Variants in MEMO1 observed in about 807,000 individuals in gnomAD.
MEMO1 encodes the protein mediator of cell motility 1, also known as protein MEMO1.
A neutral mutation model predicts 45.2 loss-of-function variants in MEMO1; 6 were observed. The observed-to-expected ratio is 0.13, with a 90% CI of 0.07 to 0.26. The LOEUF is 0.26. MEMO1 is among the 10% of genes least tolerant of loss of function. MEMO1 has a pLI of 1.00. For synonymous variants in MEMO1, 78 were observed against 124.3 expected (o/e 0.63, Z 2.48); for missense variants, 184 against 370.5 (o/e 0.50, Z 4.13).
intron 2 of MEMO1, among the ~76,000 whole-genome samples, chr2:31,985,344 C>T (rs1161554810): frequency 6.6e-6 from 1 of 152,148 alleles, no homozygotes; most frequent in Non-Finnish European, 1.5e-5. Context: ...ATTTATTTAT[C>T]GAGATGGAGT....
At chr2:31,896,520 G>A (rs1247246031) in intron 6 of MEMO1, among the ~76,000 whole-genome samples, 1 of 152,156 alleles carries the variant, frequency 6.6e-6, no homozygotes, top group South Asian at 2.1e-4. Context: ...ACAAAAGTAG[G>A]CTGTGGGCCA....
chr2:31,929,554 T>C (rs187514700), intron 4 of MEMO1, among the ~76,000 whole-genome samples: 60 of 152,264 alleles, frequency 3.9e-4, no homozygotes, highest in African/African-American at 1.4e-3. Flanking sequence ...TTAGCAGAGG[T>C]TCTAAACCAA....
intron 2 of MEMO1, among the ~76,000 whole-genome samples, chr2:31,988,975 G>A (rs1394739873): frequency 6.6e-6 from 1 of 152,126 alleles, no homozygotes; most frequent in East Asian, 1.9e-4. Context: ...GAGAGGCCAA[G>A]GCAGGCAGAT....
intron 4 of MEMO1, among the ~76,000 whole-genome samples, chr2:31,923,360 C>A (rs569141613): frequency 1.2e-4 from 18 of 152,086 alleles, no homozygotes; most frequent in Non-Finnish European, 2.2e-4. Flanking sequence ...ACGACAGAAT[C>A]TTTCTACCTC....
rs72860903 is a variant in MEMO1 at position 31,910,370 on chromosome 2, T to C, written c.437+7556A>G. Among the ~76,000 whole-genome samples, 807 of 152,266 alleles carry C rather than the reference T, an allele frequency of 5.3e-3. 5 individuals carry two copies. Among genetic ancestry groups the C allele is most frequent in the African/African-American group, 0.018 (752 of 41,556 alleles). On this transcript the variant is annotated intron_variant, in intron 6 of 9. Coordinates refer to ENST00000404530, the MANE Select transcript of MEMO1 (RefSeq NM_001301833.4). ...GAACAAATGAGGGTAAAATAAAATA[T>C]TTTATTTCATTTTTTTCTTATTCTT...
intron 2 of MEMO1, among the ~76,000 whole-genome samples, chr2:31,946,788 G>A (rs906998182): frequency 2.0e-5 from 3 of 152,118 alleles, no homozygotes; most frequent in African/African-American, 7.2e-5. Flanking sequence ...ACTTGAGCCC[G>A]GGAGGCAGAG....
intron 6 of MEMO1, among the ~76,000 whole-genome samples, chr2:31,895,526 G>T (rs1161633381): frequency 6.6e-6 from 1 of 152,128 alleles, no homozygotes; most frequent in African/African-American, 2.4e-5. Context: ...GAGCAGATTT[G>T]ATATTATATA....
At chr2:31,985,604 G>C (rs1671167972) in intron 2 of MEMO1, among the ~76,000 whole-genome samples, 2 of 152,204 alleles carry the variant, frequency 1.3e-5, no homozygotes, top group Admixed American at 1.3e-4. Context: ...GGGATTACAG[G>C]CGTGAGACAC....
chr2:31,982,406 G>A (rs1293405558), intron 2 of MEMO1, among the ~76,000 whole-genome samples: 2 of 149,256 alleles, frequency 1.3e-5, no homozygotes, highest in South Asian at 2.1e-4. Flanking sequence ...CCTGACCAAC[G>A]TGGTGAAAGC....
intron 6 of MEMO1, among the ~76,000 whole-genome samples, chr2:31,906,336 T>G (rs1447865319): frequency 6.6e-6 from 1 of 151,648 alleles, no homozygotes; most frequent in Non-Finnish European, 1.5e-5. Flanking sequence ...TGTTTTTGTT[T>G]TTTTTGAGAT....
At chr2:31,918,137 G>T (rs1381927689) in intron 5 of MEMO1, 100 bp from the exon 6 acceptor site, 7 of 630,180 alleles carry the variant, frequency 1.1e-5, no homozygotes, top group Non-Finnish European at 1.5e-5. Flanking sequence ...TTTTTGGCAA[G>T]AGACAGAAAC....
chr2:31,946,796 G>A (rs1666247546), intron 2 of MEMO1, among the ~76,000 whole-genome samples: 1 of 152,170 alleles, frequency 6.6e-6, no homozygotes, highest in African/African-American at 2.4e-5. Flanking sequence ...CCGGGAGGCA[G>A]AGGTTGCAGA....
intron 2 of MEMO1, among the ~76,000 whole-genome samples, chr2:31,969,596 T>TGTGTGG (rs1558542094): frequency 3.6e-5 from 5 of 139,392 alleles, no homozygotes; most frequent in African/African-American, 1.4e-4. Flanking sequence ...GGTGTGTGTG[T>TGTGTGG]GTGTGTGTGT....
At chr2:31,961,010 AG>A (rs1332888603) in intron 2 of MEMO1, among the ~76,000 whole-genome samples, 3 of 152,220 alleles carry the variant, frequency 2.0e-5, no homozygotes, top group African/African-American at 7.2e-5. Flanking sequence ...AACAAATGTA[AG>A]CAAAGCATAT....
chr2:31,889,982 T>C (rs1272480928), intron 7 of MEMO1, among the ~76,000 whole-genome samples: 1 of 152,136 alleles, frequency 6.6e-6, no homozygotes, highest in Non-Finnish European at 1.5e-5. Flanking sequence ...ATACCAAAAT[T>C]TCCAAGAAAT....
intron 3 of MEMO1, among the ~76,000 whole-genome samples, chr2:31,934,502 T>C (rs967449970): frequency 6.6e-6 from 1 of 151,358 alleles, no homozygotes; most frequent in Non-Finnish European, 1.5e-5. Context: ...GAAAGAATCA[T>C]TGGATTCTTT....
chr2:31,879,700 T>C (rs920090686), intron 8 of MEMO1, among the ~76,000 whole-genome samples: 3 of 152,222 alleles, frequency 2.0e-5, no homozygotes, highest in Non-Finnish European at 4.4e-5. Flanking sequence ...TGAGATATTT[T>C]TGTTCTTTTC....
chr2:31,966,342 T>A (rs1668609052), intron 2 of MEMO1, among the ~76,000 whole-genome samples: 1 of 152,236 alleles, frequency 6.6e-6, no homozygotes, highest in Non-Finnish European at 1.5e-5. Flanking sequence ...CCACTACTGG[T>A]TATTCGGTGA....
chr2:31,991,162 C>A (rs777389652), intron 2 of MEMO1, among the ~76,000 whole-genome samples: 2 of 152,136 alleles, frequency 1.3e-5, no homozygotes, highest in African/African-American at 2.4e-5. Context: ...CATAAACAAT[C>A]ACTGGATAGA....
Sources: gnomAD v4.1 joint callset for allele counts (sites outside exome capture counted in the v4.1 genomes callset) on GRCh38, gnomAD v4.1.1 for gene constraint, MANE v1.5 for transcripts, NCBI Gene and HGNC (gene_info 2026-07-23, HGNC 2026-07-21) for gene names.